Variants in HIPK3 observed in about 807,000 individuals in gnomAD.
HIPK3 encodes the protein homeodomain interacting protein kinase 3.
Under a neutral mutation model 124.2 loss-of-function variants are expected in HIPK3, and 47 were observed. The observed-to-expected ratio is 0.38, with a 90% CI of 0.30 to 0.48. The LOEUF (loss-of-function observed/expected upper bound fraction) is 0.48. HIPK3 is among the 20% of genes least tolerant of loss of function. The pLI, the probability that HIPK3 is intolerant of heterozygous loss-of-function variation, is 0.98. For synonymous variants in HIPK3, 482 were observed against 515.2 expected, an observed-to-expected ratio of 0.94 and a Z score of 0.87; for missense variants, 1,286 against 1,454.3, an observed-to-expected ratio of 0.88 and a Z score of 1.88.
intron 2 of HIPK3, among the ~76,000 whole-genome samples, chr11:33,326,516 A>C (rs1852816176): frequency 6.6e-6 from 1 of 152,208 alleles, no homozygotes; most frequent in Admixed American, 6.5e-5. Context: ...AAGATACCAG[A>C]GATCCTCAGA....
chr11:33,330,222 C>T (rs1254446218), intron 3 of HIPK3, among the ~76,000 whole-genome samples: 7 of 151,944 alleles, frequency 4.6e-5, no homozygotes, highest in African/African-American at 1.7e-4. Flanking sequence ...TCCAGATTGA[C>T]AATGTTTTCA....
At chr11:33,301,557 A>G (rs992788313) in intron 2 of HIPK3, among the ~76,000 whole-genome samples, 2 of 150,668 alleles carry the variant, frequency 1.3e-5, no homozygotes, top group Non-Finnish European at 3.0e-5. Context: ...TAGGCCAAAG[A>G]GGATTGCCTG....
chr11:33,279,271 C>T (rs1851349202), intron 1 of HIPK3, among the ~76,000 whole-genome samples: 2 of 141,814 alleles, frequency 1.4e-5, no homozygotes, highest in African/African-American at 2.6e-5. Flanking sequence ...GCTGTGATCA[C>T]GCTACTGCAC....
intron 1 of HIPK3, among the ~76,000 whole-genome samples, chr11:33,265,011 A>G (rs985697000): frequency 6.6e-6 from 1 of 152,196 alleles, no homozygotes; most frequent in African/African-American, 2.4e-5. Context: ...AGTTAATGAG[A>G]TAGATTAGAG....
intron 2 of HIPK3, among the ~76,000 whole-genome samples, chr11:33,328,190 A>G (rs1852865536): frequency 6.6e-6 from 1 of 152,004 alleles, no homozygotes; most frequent in East Asian, 1.9e-4. Flanking sequence ...TTCTCTTCCT[A>G]TTGTGTTATT....
intron 16 of HIPK3, 147 bp downstream of exon 16, chr11:33,352,412 T>A: frequency 1.3e-6 from 1 of 799,716 alleles, no homozygotes; most frequent in South Asian, 1.8e-5. Flanking sequence ...AGTAACTGGC[T>A]TAATAATAGG....
chr11:33,309,010 A>T (rs1852248412), intron 2 of HIPK3, among the ~76,000 whole-genome samples: 1 of 152,178 alleles, frequency 6.6e-6, no homozygotes, highest in African/African-American at 2.4e-5. Flanking sequence ...TTTGTGAACA[A>T]AAGTTCTCTG....
At chr11:33,282,630 C>T (rs1851441450) in intron 1 of HIPK3, among the ~76,000 whole-genome samples, 1 of 151,970 alleles carries the variant, frequency 6.6e-6, no homozygotes, top group Admixed American at 6.6e-5. Flanking sequence ...TTGCAGTGAG[C>T]TGAAATCACG....
At chr11:33,257,309 C>CGGGCGGTGGCGCTGCGG, upstream of HIPK3, 3 of 983,356 alleles carry the variant, frequency 3.1e-6, no homozygotes, top group Non-Finnish European at 3.6e-6. Flanking sequence ...CGCTGCCGGG[C>CGGGCGGTGGCGCTGCGG]GGGCGGTGGC....
intron 2 of HIPK3, among the ~76,000 whole-genome samples, chr11:33,310,816 A>C (rs1309914653): frequency 2.0e-5 from 3 of 152,206 alleles, no homozygotes; most frequent in Non-Finnish European, 4.4e-5. Flanking sequence ...GAGAAAATGC[A>C]GTTTTATGCT....
At chr11:33,304,078 CTA>C (rs1294030942) in intron 2 of HIPK3, among the ~76,000 whole-genome samples, 1 of 152,034 alleles carries the variant, frequency 6.6e-6, no homozygotes, top group Non-Finnish European at 1.5e-5. Context: ...GTAGCTGGGA[CTA>C]CAGGCGTGCA....
At chr11:33,295,584 C>T (rs1565069908) in intron 2 of HIPK3, among the ~76,000 whole-genome samples, 1 of 152,242 alleles carries the variant, frequency 6.6e-6, no homozygotes, top group Non-Finnish European at 1.5e-5. Context: ...GGTTAAGGCC[C>T]GACAGCTGCA....
chr11:33,312,460 C>T (rs1004523199), intron 2 of HIPK3, among the ~76,000 whole-genome samples: 5 of 152,096 alleles, frequency 3.3e-5, no homozygotes, highest in Non-Finnish European at 7.4e-5. Context: ...ATTTAAAATA[C>T]AGATTAAAAT....
chr11:33,343,250 TGTG>T (rs1853390839), intron 8 of HIPK3, among the ~76,000 whole-genome samples: 2 of 55,190 alleles, frequency 3.6e-5, no homozygotes, highest in Non-Finnish European at 9.8e-5. Flanking sequence ...TTTGATTTTG[TGTG>T]TGTGTGTGTG....
intron 2 of HIPK3, among the ~76,000 whole-genome samples, chr11:33,304,083 G>GC (rs1852082441): frequency 6.6e-6 from 1 of 152,058 alleles, no homozygotes; most frequent in Non-Finnish European, 1.5e-5. Context: ...TGGGACTACA[G>GC]GCGTGCACCA....
intron 1 of HIPK3, among the ~76,000 whole-genome samples, chr11:33,277,460 C>G (rs2133886665): frequency 6.6e-6 from 1 of 152,236 alleles, no homozygotes; most frequent in South Asian, 2.1e-4. Flanking sequence ...TCGATGATGT[C>G]TTGACCTAAC....
At chr11:33,306,857 T>C (rs1431658227) in intron 2 of HIPK3, among the ~76,000 whole-genome samples, 4 of 152,186 alleles carry the variant, frequency 2.6e-5, no homozygotes, top group African/African-American at 4.8e-5. Flanking sequence ...AGCCTGCTTT[T>C]GGTATTATGT....
At chr11:33,297,778 CTTTTTTTTTTT>C (rs1015881408) in intron 2 of HIPK3, among the ~76,000 whole-genome samples, 44 of 81,992 alleles carry the variant, frequency 5.4e-4, no homozygotes, top group African/African-American at 1.6e-3. Context: ...AAAGAACAGG[CTTTTTTTTTTT>C]TTTTTTTTTT....
intron 2 of HIPK3, among the ~76,000 whole-genome samples, chr11:33,318,029 G>A (rs1433599095): frequency 6.6e-6 from 1 of 152,160 alleles, no homozygotes; most frequent in East Asian, 1.9e-4. Flanking sequence ...TGGTTAAGAT[G>A]AGTAAATGCT....
Sources: gnomAD v4.1 joint callset for allele counts (sites outside exome capture counted in the v4.1 genomes callset) on GRCh38, gnomAD v4.1.1 for gene constraint, MANE v1.5 for transcripts, NCBI Gene and HGNC (gene_info 2026-07-23, HGNC 2026-07-21) for gene names.